Variants in CNTN4 observed in about 807,000 individuals in gnomAD.
CNTN4 encodes the protein contactin-4.
A neutral mutation model predicts 122.5 loss-of-function variants in CNTN4; 77 were observed. The ratio of observed to expected loss-of-function variants is 0.63; its 90% confidence interval spans 0.52 to 0.76. The LOEUF (loss-of-function observed/expected upper bound fraction) is 0.76, where lower values mean the gene tolerates loss of function less well. Ranked by LOEUF, CNTN4 falls within the 30% of genes least tolerant of loss-of-function variation. The pLI is 0.00. For missense variants in CNTN4, 1,256 were observed against 1,259.1 expected, an observed-to-expected ratio of 1.00 and a Z score of 0.04; for synonymous variants, 512 against 447.0, an observed-to-expected ratio of 1.15 and a Z score of -1.83.
chr3:2,524,226 A>G (rs575528499), intron 3 of CNTN4, among the ~76,000 whole-genome samples: 1 of 152,246 alleles, frequency 6.6e-6, no homozygotes, highest in Admixed American at 6.5e-5. Flanking sequence ...TATAAATGGA[A>G]TCATACAATA....
chr3:3,019,305 T>C (rs542813254), intron 14 of CNTN4, among the ~76,000 whole-genome samples: 1 of 152,216 alleles, frequency 6.6e-6, no homozygotes, highest in Non-Finnish European at 1.5e-5. Flanking sequence ...TTATTTATTT[T>C]AGTTTATTAT....
intron 3 of CNTN4, among the ~76,000 whole-genome samples, chr3:2,544,742 T>C (rs1223062372): frequency 6.6e-6 from 1 of 151,950 alleles, no homozygotes; most frequent in Non-Finnish European, 1.5e-5. Context: ...TAAATGTGTT[T>C]ACTTGGATCT....
rs552040716 is a variant in CNTN4, at chr3:2,445,692, A to AT, written c.-89+106465dup. On this transcript the variant is annotated intron_variant, in intron 3 of 24. Transcript: ENST00000418658. ...TATATTAATAGTAATTCACCTTTGCATTTTTTCATGTCTTAGTATTTAACT... is the reference window on the plus strand; with the variant it reads ...TATATTAATAGTAATTCACCTTTGCATTTTTTTCATGTCTTAGTATTTAACT... 1.2e-4 allele frequency among the ~76,000 whole-genome samples: 18 copies of AT among 152,088 alleles called. 1 individual carries two copies. In the South Asian group the frequency reaches 3.5e-3, roughly 30 times the overall value.
At chr3:2,781,136 A>T (rs2091552572) in intron 6 of CNTN4, among the ~76,000 whole-genome samples, 1 of 152,198 alleles carries the variant, frequency 6.6e-6, no homozygotes, top group African/African-American at 2.4e-5. Context: ...AGACCAGTTG[A>T]AACAGTGTAT....
intron 3 of CNTN4, among the ~76,000 whole-genome samples, chr3:2,481,087 C>CTCTTTCTCTCTTTCTT (rs2075989692): frequency 1.4e-5 from 1 of 69,700 alleles, no homozygotes; most frequent in African/African-American, 4.7e-5. Flanking sequence ...CTCTCTTTCT[C>CTCTTTCTCTCTTTCTT]TCTTTCTTTC....
intron 2 of CNTN4, among the ~76,000 whole-genome samples, chr3:2,126,538 T>C (rs1237620490): frequency 1.3e-5 from 2 of 152,210 alleles, no homozygotes; most frequent in Non-Finnish European, 2.9e-5. Context: ...ATTTAATCAT[T>C]AGCTAATAAG....
At chr3:2,769,381 C>T (rs2090991628) in intron 6 of CNTN4, among the ~76,000 whole-genome samples, 1 of 150,728 alleles carries the variant, frequency 6.6e-6, no homozygotes, top group South Asian at 2.1e-4. Flanking sequence ...AGAAGAATCA[C>T]TTGAACCCGG....
chr3:2,723,892 T>C (rs140554734), intron 4 of CNTN4, among the ~76,000 whole-genome samples: 1 of 152,180 alleles, frequency 6.6e-6, no homozygotes, highest in African/African-American at 2.4e-5. Context: ...CAGCCTCTTA[T>C]AACGGTGGCC....
At chr3:2,504,819 A>C (rs553590395) in intron 3 of CNTN4, among the ~76,000 whole-genome samples, 4 of 152,174 alleles carry the variant, frequency 2.6e-5, no homozygotes, top group African/African-American at 9.7e-5. Context: ...TTCAAATTGA[A>C]TTACATTCTG....
intron 13 of CNTN4, among the ~76,000 whole-genome samples, chr3:2,942,875 G>A (rs2094629913): frequency 6.6e-6 from 1 of 152,058 alleles, no homozygotes; most frequent in African/African-American, 2.4e-5. Flanking sequence ...ATACATCAAG[G>A]GACTAGGGTT....
Position 2,163,569 on chromosome 3 carries a change from G to A in CNTN4, c.-145+62930G>A, listed in dbSNP as rs1165849712. ...TAGTCAGCAAGTAAATAGACAACCC[G>A]CAGAATGGGAGAAAATATTTGCAAA... On this transcript the variant is annotated intron_variant, in intron 2 of 24. Coordinates refer to ENST00000418658, the MANE Select transcript of CNTN4 (RefSeq NM_175607.3). Among the ~76,000 whole-genome samples the A allele has an allele frequency of 5.3e-5, 8 of 151,900 alleles. No homozygotes were observed. In the East Asian group the frequency reaches 9.7e-4, roughly 18 times the overall value.
chr3:2,688,318 G>A (rs916050800), intron 4 of CNTN4, among the ~76,000 whole-genome samples: 2 of 152,044 alleles, frequency 1.3e-5, no homozygotes, highest in East Asian at 3.9e-4. Context: ...CAAATGAAAA[G>A]GTCCTCAGGC....
In CNTN4 at chr3:2,740,827, C is replaced by T. The variant is rs76161594; in HGVS notation, c.182+4486C>T. Among the ~76,000 whole-genome samples, 477 of 152,180 alleles carry T rather than the reference C, an allele frequency of 3.1e-3. 3 individuals are homozygous for T. Among genetic ancestry groups the T allele is most frequent in the Non-Finnish European group, 4.7e-3 (320 of 67,996 alleles). On this transcript the variant is annotated intron_variant, in intron 5 of 24. Transcript: ENST00000418658. ...AGGACATTGTATTCAAGTTAAAGGACGGCAGTATTAGTATAGTGGATATTA... is the reference window on the plus strand; with the variant it reads ...AGGACATTGTATTCAAGTTAAAGGATGGCAGTATTAGTATAGTGGATATTA...
chr3:2,422,506 C>G (rs542021369), intron 3 of CNTN4, among the ~76,000 whole-genome samples: 20 of 152,228 alleles, frequency 1.3e-4, no homozygotes, highest in Non-Finnish European at 2.4e-4. Context: ...TCCTGACAGC[C>G]TATATCAGGA....
At chr3:2,557,126 A>T (rs1438506283) in intron 3 of CNTN4, among the ~76,000 whole-genome samples, 3 of 151,932 alleles carry the variant, frequency 2.0e-5, no homozygotes, top group African/African-American at 7.3e-5. Context: ...CTATCCTCAG[A>T]TTTTTTTTGC....
In CNTN4 at chr3:2,887,193, A is replaced by G. The variant is rs779829341; in HGVS notation, c.909A>G (p.Lys303=). 1.9e-6 allele frequency: 3 copies of G among 1,613,786 alleles called. No individual in the cohort carries two copies. The highest frequency in any genetic ancestry group is 2.2e-5 in the East Asian group (1 of 44,886). ...YECVAENSRG[K]NVARGQLTFY... ...GTGTAGCTGAAAATTCCAGAGGGAA[A>G]AATGTAGCAAGGGGACAGCTAACTT... Residue 303 remains lysine, a synonymous_variant, in exon 10 of 25, where the codon AAA becomes AAG. Transcript: ENST00000418658.
chr3:2,276,156 CTTAA>C (rs1372019880), intron 2 of CNTN4, among the ~76,000 whole-genome samples: 10 of 151,534 alleles, frequency 6.6e-5, no homozygotes, highest in Non-Finnish European at 8.8e-5. Context: ...TATCTTTTTG[CTTAA>C]TTAATTAATT....
chr3:2,153,917 G>GT (rs1417092366), intron 2 of CNTN4, among the ~76,000 whole-genome samples: 1 of 152,100 alleles, frequency 6.6e-6, no homozygotes, highest in Non-Finnish European at 1.5e-5. Flanking sequence ...TTAAAAAAGT[G>GT]TTTGTGATCA....
intron 2 of CNTN4, among the ~76,000 whole-genome samples, chr3:2,242,727 A>G (rs1018302582): frequency 1.3e-5 from 2 of 152,160 alleles, no homozygotes; most frequent in African/African-American, 2.4e-5. Context: ...CCTTCCGCAT[A>G]TGGGAGTAAA....
Sources: gnomAD v4.1 joint callset for allele counts (sites outside exome capture counted in the v4.1 genomes callset) on GRCh38, gnomAD v4.1.1 for gene constraint, MANE v1.5 for transcripts, NCBI Gene and HGNC (gene_info 2026-07-23, HGNC 2026-07-21) for gene names.